The following MYOM1 variants were observed in gnomAD, a reference collection of about 807,000 sequenced individuals.
MYOM1 encodes the protein myomesin 1.
In MYOM1, 164 loss-of-function variants were observed where a neutral mutation model predicts 205.3. The observed-to-expected ratio is 0.80, with a 90% CI of 0.70 to 0.91. MYOM1 has a LOEUF of 0.91. Ranked by LOEUF, MYOM1 falls within the 40% of genes least tolerant of loss-of-function variation. The pLI, the probability that MYOM1 is intolerant of heterozygous loss-of-function variation, is 0.00. For synonymous variants in MYOM1, 772 were observed against 789.4 expected, an observed-to-expected ratio of 0.98 and a Z score of 0.37; for missense variants, 2,011 against 2,127.3, an observed-to-expected ratio of 0.95 and a Z score of 1.08.
At chr18:3,160,372 G>C (rs977047993) in intron 10 of MYOM1, among the ~76,000 whole-genome samples, 3 of 152,058 alleles carry the variant, frequency 2.0e-5, no homozygotes, top group African/African-American at 7.2e-5. Context: ...TTTTTGTAGA[G>C]ATGGGGTCTT....
chr18:3,150,247 A>G (rs2080198288), intron 12 of MYOM1, among the ~76,000 whole-genome samples: 1 of 152,148 alleles, frequency 6.6e-6, no homozygotes, highest in South Asian at 2.1e-4. Flanking sequence ...TTTTTAGTAG[A>G]GACGGGGTTT....
chr18:3,112,484 G>A (rs1374092323), intron 21 of MYOM1, 72 bp from the exon 22 acceptor site: 10 of 1,172,812 alleles, frequency 8.5e-6, no homozygotes, highest in African/African-American at 3.1e-5. Flanking sequence ...TTAAACAGAC[G>A]GGGCTCTTCC....
At position 3,179,097 on chromosome 18, in the gene MYOM1, G is replaced by A. The variant is rs1351171779; in HGVS notation, c.930-2963C>T. On this transcript the variant is annotated intron_variant, in intron 5 of 37. Transcript: ENST00000356443. This position sits in a 1 kb window ranked among gnomAD's most constrained non-coding sequence, Gnocchi z 4.4. ...TTGCCTATGCTGGTCTTAAACTCCT[G>A]GGCTCAAGCAATCCTCCCACCTCGG... Among the ~76,000 whole-genome samples, 1 of 151,866 alleles carries A rather than the reference G, an allele frequency of 6.6e-6. No individual in the cohort carries two copies. Among genetic ancestry groups the A allele is most frequent in the Non-Finnish European group, 1.5e-5 (1 of 67,992 alleles).
chr18:3,186,600 T>C (rs1366822783), intron 5 of MYOM1, among the ~76,000 whole-genome samples: 1 of 152,176 alleles, frequency 6.6e-6, no homozygotes, highest in Non-Finnish European at 1.5e-5. Context: ...GCTTATTCTT[T>C]ATGGAAAGAA....
rs2079952906 is a variant in MYOM1, at chr18:3,135,935, G to A, written c.2026-205C>T. ...TCAAACTTGGCTTTTGATACGGTTT[G>A]GCTGTGTCCCTGCCCAAATCTCATC... is the stretch of plus-strand genomic sequence containing the variant. On this transcript the variant is annotated intron_variant, in intron 14 of 37. Transcript: ENST00000356443. This position sits in a 1 kb window ranked among gnomAD's most constrained non-coding sequence, Gnocchi z 4.1. Among the ~76,000 whole-genome samples, 1 of 152,162 alleles carries A rather than the reference G, an allele frequency of 6.6e-6. No homozygotes were observed. Among genetic ancestry groups the A allele is most frequent in the South Asian group, 2.1e-4 (1 of 4,822 alleles).
chr18:3,142,125 G>A, intron 13 of MYOM1, 62 bp from the exon 14 acceptor site: 1 of 1,571,146 alleles, frequency 6.4e-7, no homozygotes, highest in Non-Finnish European at 8.7e-7. Flanking sequence ...TACTCAGAGA[G>A]CCAAAGACGC....
At chr18:3,117,312 C>T (rs912331095) in intron 20 of MYOM1, among the ~76,000 whole-genome samples, 18 of 152,174 alleles carry the variant, frequency 1.2e-4, no homozygotes, top group South Asian at 4.1e-4. Flanking sequence ...AAATCTTCCC[C>T]GTAAAGAGTA....
intron 9 of MYOM1, among the ~76,000 whole-genome samples, chr18:3,168,043 T>C (rs934958553): frequency 6.6e-6 from 1 of 152,162 alleles, no homozygotes; most frequent in Non-Finnish European, 1.5e-5. Flanking sequence ...GGGACATCAG[T>C]AGAACTTGGA....
At chr18:3,097,248 T>TC (rs1281420690) in intron 25 of MYOM1, among the ~76,000 whole-genome samples, 2 of 152,174 alleles carry the variant, frequency 1.3e-5, no homozygotes, top group Admixed American at 1.3e-4. Context: ...GCTACTTTGA[T>TC]CCTACCACCA....
At chr18:3,097,131 C>CT (rs2079315882) in intron 25 of MYOM1, among the ~76,000 whole-genome samples, 1 of 152,156 alleles carries the variant, frequency 6.6e-6, no homozygotes. Context: ...ATTACATTCT[C>CT]TAAGAAATAA....
chr18:3,085,184 G>T (rs530204951), intron 30 of MYOM1, 52 bp from the exon 31 acceptor site: 2 of 1,081,272 alleles, frequency 1.8e-6, no homozygotes, highest in East Asian at 3.7e-5. Context: ...CCAGGGCACG[G>T]TATCTGTGAT....
chr18:3,229,198 C>T, the MYOM1 span, among the ~76,000 whole-genome samples: 3,598 of 152,220 alleles, frequency 0.024, 132 homozygotes, highest in African/African-American at 0.082. Context: ...TCATAGTTCC[C>T]CCAATAGAGT....
At chr18:3,067,917 T>C (rs891520695) in intron 37 of MYOM1, among the ~76,000 whole-genome samples, 8 of 152,252 alleles carry the variant, frequency 5.3e-5, no homozygotes, top group Non-Finnish European at 8.8e-5. Context: ...TCTGTCTCGG[T>C]ACAGGAATCT....
intron 36 of MYOM1, among the ~76,000 whole-genome samples, chr18:3,072,373 A>ATTTTTTTTTTTTT: frequency 4.9e-5 from 1 of 20,536 alleles, no homozygotes; most frequent in Non-Finnish European, 7.4e-5. Flanking sequence ...TTTTTTTTTG[A>ATTTTTTTTTTTTT]GGCAGAGTCT....
intron 13 of MYOM1, among the ~76,000 whole-genome samples, chr18:3,145,668 C>T (rs973996827): frequency 2.0e-5 from 3 of 151,700 alleles, no homozygotes; most frequent in Non-Finnish European, 2.9e-5. Flanking sequence ...TAAATGCATG[C>T]GTTATAAAAG....
At position 3,088,666 on chromosome 18, in the gene MYOM1, A is replaced by AT. The variant is rs576079075; in HGVS notation, c.4137+507dup. On this transcript the variant is annotated intron_variant, in intron 29 of 37. Transcript: ENST00000356443. ...AAACTTGTTTAGAATGCTGTATAGA[A>AT]TTTTTTTTTCCTGAATCTTTCCAAA... 5.3e-5 allele frequency among the ~76,000 whole-genome samples: 8 copies of AT among 151,822 alleles called. No individual in the cohort carries two copies. In the South Asian group the frequency reaches 1.0e-3, roughly 20 times the overall value.
chr18:3,071,605 C>T (rs916282855), intron 37 of MYOM1, among the ~76,000 whole-genome samples: 3 of 152,132 alleles, frequency 2.0e-5, no homozygotes, highest in Non-Finnish European at 2.9e-5. Context: ...GTGATCCGCC[C>T]GCCTCAGCCT....
rs1486084771 is a variant in MYOM1, at chr18:3,090,676, C to T, written c.3991G>A (p.Val1331Ile). ...TTCTTACCATCTCCAACGAGAACAA[C>T]AGTAGAATGGTTAGTTGCTTTTCCA... ...QDGKATNHST[V>I]VLVGDVFKKL... The change falls in exon 27 of 38, where the codon GTT (valine) becomes ATT (isoleucine). Residue 1331 changes from valine to isoleucine, a missense_variant. Physicochemically the swap from Val to Ile is conservative, Grantham distance 29 (BLOSUM62 3). Coordinates refer to ENST00000356443, the MANE Select transcript of MYOM1 (RefSeq NM_003803.4). 1.2e-6 allele frequency: 2 copies of T among 1,613,928 alleles called. No individual in the cohort carries two copies. Among genetic ancestry groups the T allele is most frequent in the South Asian group, 1.1e-5 (1 of 91,074 alleles).
intron 11 of MYOM1, among the ~76,000 whole-genome samples, chr18:3,154,482 C>G (rs1598728118): frequency 6.6e-6 from 1 of 151,750 alleles, no homozygotes; most frequent in Non-Finnish European, 1.5e-5. Context: ...TACCTAAGTT[C>G]CAAAGATGAA....
Sources: gnomAD v4.1 joint callset for allele counts (sites outside exome capture counted in the v4.1 genomes callset) on GRCh38, gnomAD v4.1.1 for gene constraint, Gnocchi (gnomAD v3.1) non-coding constraint, MANE v1.5 for transcripts, NCBI Gene and HGNC (gene_info 2026-07-23, HGNC 2026-07-21) for gene names.